SFXN5: variants seen among roughly 807,000 people sequenced by gnomAD.
The protein encoded by SFXN5 is sideroflexin-5.
In SFXN5, 43 loss-of-function variants were observed where a neutral mutation model predicts 50.2. That is an observed-to-expected ratio of 0.86 (90% confidence interval 0.67 to 1.11). The LOEUF is 1.11. Ranked by LOEUF, SFXN5 falls within the 50% of genes least tolerant of loss-of-function variation. The pLI, the probability that SFXN5 is intolerant of heterozygous loss-of-function variation, is 0.00. For missense variants in SFXN5, 463 were observed against 454.1 expected (o/e 1.02, Z -0.18); for synonymous variants, 203 against 185.8 (o/e 1.09, Z -0.75).
intron 12 of SFXN5, among the ~76,000 whole-genome samples, chr2:72,963,924 G>C (rs1027871264): frequency 6.6e-6 from 1 of 152,186 alleles, no homozygotes; most frequent in Non-Finnish European, 1.5e-5. Context: ...GAGAGGGAAG[G>C]ATGGCACCCA....
chr2:73,026,294 A>ATTT (rs759332481), intron 3 of SFXN5, among the ~76,000 whole-genome samples: 2 of 140,608 alleles, frequency 1.4e-5, no homozygotes, highest in Admixed American at 7.1e-5. Context: ...TGCCTGGCTA[A>ATTT]TTTTTTTTTT....
Position 72,953,670 on chromosome 2 carries a change from G to A in SFXN5, c.945+7461C>T, listed in dbSNP as rs970828056. On this transcript the variant is annotated intron_variant, in intron 13 of 13. Transcript: ENST00000272433. This position sits in a 1 kb window ranked among gnomAD's most constrained non-coding sequence, Gnocchi z 4.1. ...AAAACACACCACCAGAGCCTACACA[G>A]GTGAGGTGAGACAGATCTTAGTGGG... Among the ~76,000 whole-genome samples the A allele has an allele frequency of 6.6e-6, 1 of 152,218 alleles. No individual in the cohort carries two copies. Among genetic ancestry groups the A allele is most frequent in the African/African-American group, 2.4e-5 (1 of 41,458 alleles).
rs375413970 is a variant in SFXN5 at position 73,020,273 on chromosome 2, G to A, written c.332-9C>T. 114 of 1,613,796 alleles carry A rather than the reference G, an allele frequency of 7.1e-5. 1 individual carries two copies. The South Asian group carries it at 8.9e-4, about 13-fold the overall frequency. On this transcript the variant is annotated splice_polypyrimidine_tract_variant and intron_variant, in intron 5 of 13. Coordinates refer to ENST00000272433, the MANE Select transcript of SFXN5 (RefSeq NM_144579.3). ...CCCAAAAGGAATATAACCTGTGAAC[G>A]AGAAGAAAAGAGTCAGGCCTTATAA... is the stretch of plus-strand genomic sequence containing the variant.
In SFXN5 at chr2:72,944,999, C is replaced by T. The variant is rs927818730; in HGVS notation, c.*23G>A. The T allele has an allele frequency of 4.3e-6, 7 of 1,609,744 alleles. No homozygotes were observed. The highest frequency in any genetic ancestry group is 3.4e-6 in the Non-Finnish European group (4 of 1,177,408). ...TCAGCTCCCCGGCTGCACAGTGCTC[C>T]GTCCCCAGGCCGCTGACCACACTCA... On this transcript the variant is annotated 3_prime_UTR_variant, in exon 14 of 14. Coordinates refer to ENST00000272433, the MANE Select transcript of SFXN5 (RefSeq NM_144579.3).
chr2:72,998,745 T>G (rs1673551651), intron 9 of SFXN5: 1 of 577,712 alleles, frequency 1.7e-6, no homozygotes, highest in African/African-American at 1.9e-5. Flanking sequence ...CCACCTGCTC[T>G]CCATTACAGG....
intron 3 of SFXN5, among the ~76,000 whole-genome samples, chr2:73,030,910 G>A (rs1678221118): frequency 6.6e-6 from 1 of 152,044 alleles, no homozygotes; most frequent in East Asian, 1.9e-4. Context: ...TGGGCAACTG[G>A]GGGAGAGAAA....
chr2:72,965,186 G>C (rs1674233826), intron 12 of SFXN5, among the ~76,000 whole-genome samples: 1 of 152,172 alleles, frequency 6.6e-6, no homozygotes, highest in African/African-American at 2.4e-5. Context: ...GGACGTTGAG[G>C]GGAGCACGCT....
chr2:72,956,857 T>G (rs1292950640), intron 13 of SFXN5: 2 of 351,524 alleles, frequency 5.7e-6, no homozygotes, highest in East Asian at 7.8e-5. Context: ...TCTCCCACAG[T>G]TCCCCATCTT....
chr2:73,017,723 T>C (rs1026907355), intron 6 of SFXN5, among the ~76,000 whole-genome samples: 1 of 152,190 alleles, frequency 6.6e-6, no homozygotes, highest in African/African-American at 2.4e-5. Flanking sequence ...TTGATGGGAA[T>C]TACAGGTATC....
rs539246256 is a variant in SFXN5, at chr2:72,989,077, A to G, written c.535-729T>C. Among the ~76,000 whole-genome samples, 21 of 152,186 alleles carry G rather than the reference A, an allele frequency of 1.4e-4. No homozygotes were observed. In the East Asian group the frequency reaches 3.9e-3, roughly 28 times the overall value. ...CCACACCAGCTCCTCTCTATGACCA[A>G]CGTGTCTGAGAAAGTGTCATCTCCT... On this transcript the variant is annotated intron_variant, in intron 9 of 13. Transcript: ENST00000272433.
intron 9 of SFXN5, among the ~76,000 whole-genome samples, chr2:72,991,861 C>T (rs1181607044): frequency 6.6e-6 from 1 of 152,192 alleles, no homozygotes; most frequent in Non-Finnish European, 1.5e-5. Context: ...AGCTAATAAT[C>T]GGGTTCAGGA....
At chr2:73,048,142 C>A (rs1263767342) in intron 2 of SFXN5, among the ~76,000 whole-genome samples, 1 of 152,114 alleles carries the variant, frequency 6.6e-6, no homozygotes, top group African/African-American at 2.4e-5. Context: ...TGTATATACA[C>A]GTATCATGCA....
intron 4 of SFXN5, among the ~76,000 whole-genome samples, chr2:73,022,902 C>T (rs1158944621): frequency 6.6e-6 from 1 of 152,224 alleles, no homozygotes; most frequent in Non-Finnish European, 1.5e-5. Flanking sequence ...GCCCTCTACC[C>T]CCATTCCTGG....
chr2:73,060,894 G>C (rs1187869160), intron 1 of SFXN5, among the ~76,000 whole-genome samples: 1 of 151,664 alleles, frequency 6.6e-6, no homozygotes, highest in Non-Finnish European at 1.5e-5. Context: ...GTTGAGACAG[G>C]GTTTCACCAT....
At chr2:72,985,714 G>A (rs1422417328) in intron 10 of SFXN5, among the ~76,000 whole-genome samples, 1 of 152,186 alleles carries the variant, frequency 6.6e-6, no homozygotes, top group Non-Finnish European at 1.5e-5. Context: ...ACCACATTAT[G>A]CAACCCGTGA....
At position 72,960,382 on chromosome 2, in the gene SFXN5, C is replaced by T. The variant is rs768752999; in HGVS notation, c.945+749G>A. Among the ~76,000 whole-genome samples, 21 of 152,212 alleles carry T rather than the reference C, an allele frequency of 1.4e-4. No homozygotes were observed. The highest frequency in any genetic ancestry group is 3.4e-3 in the Middle Eastern group (1 of 294). On this transcript the variant is annotated intron_variant, in intron 13 of 13. Coordinates refer to ENST00000272433, the MANE Select transcript of SFXN5 (RefSeq NM_144579.3). The surrounding 1 kb of genome is among the most constrained non-coding windows in gnomAD (Gnocchi z 6.1). ...CCTCCCACCACATACAGCTCTTCAT[C>T]GAATCCCGAAGAAGCCGCCTCCTGA... is the stretch of plus-strand genomic sequence containing the variant.
At chr2:72,988,705 A>G (rs1452292497) in intron 9 of SFXN5, among the ~76,000 whole-genome samples, 1 of 152,140 alleles carries the variant, frequency 6.6e-6, no homozygotes, top group African/African-American at 2.4e-5. Flanking sequence ...AGAAGAATAC[A>G]TACTCCATGA....
intron 6 of SFXN5, among the ~76,000 whole-genome samples, chr2:73,002,800 C>T (rs1674077458): frequency 6.6e-6 from 1 of 152,100 alleles, no homozygotes; most frequent in African/African-American, 2.4e-5. Context: ...GAGATCCCAA[C>T]TTGATTTTTT....
chr2:73,047,235 A>G (rs1205477321), intron 2 of SFXN5, among the ~76,000 whole-genome samples: 1 of 28,192 alleles, frequency 3.5e-5, no homozygotes, highest in Non-Finnish European at 8.7e-5. Flanking sequence ...AAAAAAAAAA[A>G]AAAAAAAAAA....
Sources: allele counts gnomAD v4.1 joint callset (sites outside exome capture counted in the v4.1 genomes callset), GRCh38; gene constraint gnomAD v4.1.1; non-coding constraint Gnocchi (gnomAD v3.1); transcripts MANE v1.5; gene names NCBI Gene and HGNC (gene_info 2026-07-23, HGNC 2026-07-21).